Variants in CSTF2 observed in about 807,000 individuals in gnomAD.
CSTF2 encodes the protein CF-1 64 kDa subunit.
Under a neutral mutation model 45.4 loss-of-function variants are expected in CSTF2, and 8 were observed. The ratio of observed to expected loss-of-function variants is 0.18; its 90% CI spans 0.10 to 0.32. CSTF2 has a LOEUF of 0.32. Among genes scored for constraint, CSTF2 ranks in the 10% least tolerant of loss-of-function variants. The pLI, the probability that CSTF2 is intolerant of heterozygous loss-of-function variation, is 1.00. For missense variants in CSTF2, 253 were observed against 477.1 expected, an observed-to-expected ratio of 0.53 and a Z score of 4.38; for synonymous variants, 155 against 158.9, an observed-to-expected ratio of 0.98 and a Z score of 0.18.
intron 6 of CSTF2, among the ~76,000 whole-genome samples, chrX:100,824,861 G>T (rs1271523190): frequency 8.9e-6 from 1 of 112,428 alleles, no homozygotes; most frequent in Non-Finnish European, 1.9e-5. Context: ...GTCAGTGGAA[G>T]AATGGAGAAA....
chrX:100,829,499 T>C (rs751607313), intron 8 of CSTF2, among the ~76,000 whole-genome samples: 3 of 109,842 alleles, frequency 2.7e-5, no homozygotes, highest in Non-Finnish European at 3.8e-5. Context: ...TCTCAAAGAA[T>C]ATATATATAT....
At chrX:100,830,872 C>T (rs1468223370) in intron 8 of CSTF2, 1 of 1,149,039 alleles carries the variant, frequency 8.7e-7, no homozygotes, top group South Asian at 1.9e-5. Context: ...TTCAAGGTAC[C>T]CATTGTATCT....
At chrX:100,837,151 G>C (rs1396105635) in intron 11 of CSTF2, among the ~76,000 whole-genome samples, 188 bp from the exon 12 acceptor site, 1 of 112,274 alleles carries the variant, frequency 8.9e-6, no homozygotes, top group African/African-American at 3.2e-5. Context: ...TGTCGAACTT[G>C]CTAGTTGATC....
chrX:100,824,348 A>G, intron 6 of CSTF2, 91 bp downstream of exon 6: 4 of 949,177 alleles, frequency 4.2e-6, no homozygotes, highest in Non-Finnish European at 5.6e-6. Context: ...ATGGTCAGGA[A>G]CCAGAGATGA....
Position 100,832,887 on chromosome X carries a change from G to A in CSTF2, c.1185G>A (p.Arg395=). ...CAAGAGGACCCATGCTAGATCAGAGGGGTCCACCCTTGGATGGCAGAGGTA... is the reference window on the plus strand; with the variant it reads ...CAAGAGGACCCATGCTAGATCAGAGAGGTCCACCCTTGGATGGCAGAGGTA... The part of the protein sequence containing the change: ...AEPRGPMLDQ[R]GPPLDGRGGR... The change falls in exon 10 of 14, where the codon AGG becomes AGA. Residue 395 remains arginine (R), a synonymous_variant. Transcript: ENST00000372972. 1 of 1,204,859 alleles carries A rather than the reference G, an allele frequency of 8.3e-7. No homozygotes were observed. The highest frequency in any genetic ancestry group is 1.1e-6 in the Non-Finnish European group (1 of 891,875).
intron 11 of CSTF2, 104 bp downstream of exon 11, chrX:100,833,576 A>C: frequency 2.5e-6 from 2 of 810,259 alleles, no homozygotes; most frequent in Non-Finnish European, 3.5e-6. Flanking sequence ...GCTGTTTCTT[A>C]GCTTGTTAGA....
At position 100,841,303 on chromosome X, in the gene CSTF2, A is replaced by G. The variant is rs1184132489; in HGVS notation, c.*593A>G. On this transcript the variant is annotated 3_prime_UTR_variant, in exon 14 of 14. Coordinates refer to ENST00000372972, the MANE Select transcript of CSTF2 (RefSeq NM_001325.3). ...TTAGTTTAGAAAAATCCAAATATCA[A>G]AATGCATTTGTTTCAATAGCAGGTC... Among the ~76,000 whole-genome samples, 2 of 112,549 alleles carry G rather than the reference A, an allele frequency of 1.8e-5. No individual in the cohort carries two copies. Among genetic ancestry groups the G allele is most frequent in the Non-Finnish European group, 3.7e-5 (2 of 53,336 alleles).
intron 8 of CSTF2, among the ~76,000 whole-genome samples, chrX:100,829,742 A>G (rs748910582): frequency 9.0e-6 from 1 of 111,584 alleles, no homozygotes; most frequent in Non-Finnish European, 1.9e-5. Context: ...AATAGATCAT[A>G]TATGTTCCCC....
rs1358208486 is a variant in CSTF2, at chrX:100,831,647, T to C, written c.1022T>C (p.Val341Ala). 1.7e-6 allele frequency: 2 copies of C among 1,208,551 alleles called. No individual in the cohort carries two copies. The highest frequency in any genetic ancestry group is 2.2e-6 in the Non-Finnish European group (2 of 894,266). The change falls in exon 9 of 14, where the codon GTA becomes GCA. Residue 341 changes from valine to alanine, a missense_variant. By Grantham distance (64) the Val-to-Ala change is moderately conservative (BLOSUM62 0). Transcript: ENST00000372972. ...ACTTTACTTTCTGTAACTGGAGAGG[T>C]AGAGCCTAGGTAAGCACTAACATAG... ...GGTLLSVTGE[V>A]EPRGYLGPPH...
chrX:100,826,570 G>T (rs924936717), intron 6 of CSTF2, 64 bp from the exon 7 acceptor site: 1 of 1,123,326 alleles, frequency 8.9e-7, no homozygotes, highest in African/African-American at 1.8e-5. Flanking sequence ...TTTTAAGGTC[G>T]TAGACTTAGT....
rs956857790 is a variant in CSTF2, at chrX:100,834,701, C to T, written c.1500+1229C>T. On this transcript the variant is annotated intron_variant, in intron 11 of 13. Coordinates refer to ENST00000372972, the MANE Select transcript of CSTF2 (RefSeq NM_001325.3). Reference sequence around the variant, plus strand: ...TCACTCAGCAAATATTTATTGAGCACCTACTATGTACCAAACATAGATCTA... The same window carrying T: ...TCACTCAGCAAATATTTATTGAGCATCTACTATGTACCAAACATAGATCTA... Among the ~76,000 whole-genome samples the T allele has an allele frequency of 3.6e-5, 4 of 112,253 alleles. No homozygotes were observed. The East Asian group carries it at 1.1e-3, about 31-fold the overall frequency.
intron 7 of CSTF2, among the ~76,000 whole-genome samples, chrX:100,827,589 C>T (rs750685510): frequency 8.9e-6 from 1 of 112,068 alleles, no homozygotes; most frequent in Non-Finnish European, 1.9e-5. Flanking sequence ...ATCCAGTCTG[C>T]AGAGCTAAGT....
At chrX:100,826,794 C>G (rs1386848086) in intron 7 of CSTF2, 37 bp downstream of exon 7, 4 of 1,187,162 alleles carry the variant, frequency 3.4e-6, no homozygotes, top group Non-Finnish European at 4.5e-6. Context: ...TCAGTACTTG[C>G]TAAAGTTTTG....
rs2084987500 is a variant in CSTF2, at chrX:100,833,295, A to G, written c.1323A>G (p.Glu441=). ...EARAMEARAM[E]ARAMEARAME... The stretch of plus-strand genomic sequence containing the variant: ...GTGCAATGGAGGCCCGTGCGATGGA[A>G]GCTCGTGCAATGGAGGCCCGAGCGA... Residue 441 remains glutamate, a synonymous_variant, in exon 11 of 14, where the codon GAA becomes GAG. Transcript: ENST00000372972. The G allele has an allele frequency of 1.7e-6, 2 of 1,208,365 alleles. No individual in the cohort carries two copies. Among genetic ancestry groups the G allele is most frequent in the Non-Finnish European group, 2.2e-6 (2 of 894,126 alleles).
chrX:100,829,305 C>T (rs2084961037), intron 8 of CSTF2, among the ~76,000 whole-genome samples: 1 of 110,959 alleles, frequency 9.0e-6, no homozygotes, highest in South Asian at 3.8e-4. Context: ...GCCTAGACAA[C>T]ATGGCAAAAC....
chrX:100,834,284 GTA>G (rs1204278401), intron 11 of CSTF2, among the ~76,000 whole-genome samples: 1 of 111,237 alleles, frequency 9.0e-6, no homozygotes, highest in Admixed American at 9.6e-5. Flanking sequence ...ATGTCTGTGT[GTA>G]TGAGAGAGAG....
rs144421972 is a variant in CSTF2, at chrX:100,829,722, C to T, written c.889+1620C>T. Among the ~76,000 whole-genome samples the T allele has an allele frequency of 2.6e-3, 295 of 111,513 alleles. 1 individual carries two copies. Among genetic ancestry groups the T allele is most frequent in the African/African-American group, 9.2e-3 (283 of 30,651 alleles). On this transcript the variant is annotated intron_variant, in intron 8 of 13. Coordinates refer to ENST00000372972, the MANE Select transcript of CSTF2 (RefSeq NM_001325.3). ...ATTGTACATCCCTCTATCCCCACCGCACCACTGTCAATAGATCATATATGT... is the reference window on the plus strand; with the variant it reads ...ATTGTACATCCCTCTATCCCCACCGTACCACTGTCAATAGATCATATATGT...
intron 6 of CSTF2, among the ~76,000 whole-genome samples, chrX:100,826,198 TA>T (rs1276227511): frequency 1.6e-3 from 174 of 107,143 alleles, no homozygotes; most frequent in African/African-American, 5.4e-3. Context: ...TTGGTTAAAT[TA>T]AAAAAAAAAT....
chrX:100,822,920 A>T (rs2084926859), intron 3 of CSTF2, among the ~76,000 whole-genome samples: 1 of 110,532 alleles, frequency 9.0e-6, no homozygotes, highest in African/African-American at 3.3e-5. Flanking sequence ...TCATCAAGCC[A>T]TTAGTAGTAC....
Sources: allele counts gnomAD v4.1 joint callset (sites outside exome capture counted in the v4.1 genomes callset), GRCh38; gene constraint gnomAD v4.1.1; transcripts MANE v1.5; gene names NCBI Gene and HGNC (gene_info 2026-07-23, HGNC 2026-07-21).